Variants in SLC12A1 observed in about 807,000 individuals in gnomAD.
SLC12A1 encodes solute carrier family 12 member 1, also known as Na-K-2Cl cotransporter.
In SLC12A1, 89 loss-of-function variants were observed where a neutral mutation model predicts 130.4. The observed-to-expected ratio is 0.68, with a 90% CI of 0.58 to 0.81. SLC12A1 has a LOEUF of 0.81. Ranked by LOEUF, SLC12A1 falls within the 40% of genes least tolerant of loss-of-function variation. SLC12A1 has a pLI of 0.00. For missense variants in SLC12A1, 1,310 were observed against 1,336.4 expected (o/e 0.98, Z 0.31); for synonymous variants, 499 against 460.0 (o/e 1.08, Z -1.09).
At chr15:48,276,023 G>C (rs2041949172) in intron 20 of SLC12A1, among the ~76,000 whole-genome samples, 1 of 152,192 alleles carries the variant, frequency 6.6e-6, no homozygotes, top group African/African-American at 2.4e-5. Flanking sequence ...GGCAGCCTCA[G>C]TAGGGATGGA....
intron 26 of SLC12A1, 120 bp downstream of exon 26, chr15:48,301,502 T>TGC (rs60810487): frequency 5.9e-5 from 26 of 439,774 alleles, no homozygotes; most frequent in East Asian, 2.1e-4. Flanking sequence ...GTGTTTTTTT[T>TGC]GGGGGGGGGA....
chr15:48,212,340 A>G (rs1373198714), intron 2 of SLC12A1, among the ~76,000 whole-genome samples: 3 of 152,184 alleles, frequency 2.0e-5, no homozygotes, highest in Non-Finnish European at 4.4e-5. Flanking sequence ...ACATACACAT[A>G]TATCTATAAA....
At chr15:48,248,367 A>G (rs144432469) in intron 13 of SLC12A1, among the ~76,000 whole-genome samples, 36 of 152,358 alleles carry the variant, frequency 2.4e-4, no homozygotes, top group African/African-American at 8.2e-4. Flanking sequence ...AGATGTTTCA[A>G]TTATGTAATT....
At chr15:48,292,418 T>C (rs1457661743) in intron 24 of SLC12A1, among the ~76,000 whole-genome samples, 1 of 147,108 alleles carries the variant, frequency 6.8e-6, no homozygotes, top group Non-Finnish European at 1.5e-5. Flanking sequence ...GGCTCCAAAA[T>C]AAAAAAAAAA....
chr15:48,240,022 TATATATCC>T (rs1328698904), intron 9 of SLC12A1, among the ~76,000 whole-genome samples: 2 of 43,552 alleles, frequency 4.6e-5, no homozygotes, highest in African/African-American at 1.4e-4. Flanking sequence ...TATATATATA[TATATATCC>T]ATATATATAT....
intron 17 of SLC12A1, among the ~76,000 whole-genome samples, chr15:48,261,171 T>C (rs552990353): frequency 3.8e-4 from 58 of 152,258 alleles, no homozygotes; most frequent in Non-Finnish European, 7.1e-4. Context: ...GTTTTTCTTC[T>C]CCAGCAATTT....
At position 48,226,542 on chromosome 15, in the gene SLC12A1, C is replaced by A; in HGVS notation, c.695C>A (p.Ala232Glu). 1 of 1,609,388 alleles carries A rather than the reference C, an allele frequency of 6.2e-7. No individual in the cohort carries two copies. The highest frequency in any genetic ancestry group is 8.5e-7 in the Non-Finnish European group (1 of 1,177,306). ...VTSITGLSTS[A>E]IATNGFVRGG... The stretch of plus-strand genomic sequence containing the variant: ...TCTATTACTGGGTTGTCAACTTCTG[C>A]GATAGCAACTAACGGGTTTGTTCGT... The change falls in exon 5 of 27, where the codon GCG becomes GAG. Residue 232 changes from alanine to glutamate, a missense_variant. By Grantham distance (107) the Ala-to-Glu change is moderately radical. Transcript: ENST00000380993.
chr15:48,297,407 T>C (rs923788908), intron 24 of SLC12A1, among the ~76,000 whole-genome samples: 2 of 152,172 alleles, frequency 1.3e-5, no homozygotes, highest in East Asian at 1.9e-4. Context: ...GAAGAAGACA[T>C]AGAGTTGTGC....
At chr15:48,289,429 A>ATATATATATAT (rs60319528) in intron 23 of SLC12A1, among the ~76,000 whole-genome samples, 9 of 119,592 alleles carry the variant, frequency 7.5e-5, no homozygotes, top group Non-Finnish European at 1.0e-4. Flanking sequence ...ATATATATAT[A>ATATATATATAT]ATGTATAACT....
intron 9 of SLC12A1, among the ~76,000 whole-genome samples, chr15:48,235,914 T>C (rs542483178): frequency 1.3e-5 from 2 of 152,214 alleles, no homozygotes; most frequent in South Asian, 4.1e-4. Flanking sequence ...CTTGCATGTA[T>C]CGCTCCTGCT....
At chr15:48,260,311 C>T (rs1317462164) in intron 17 of SLC12A1, among the ~76,000 whole-genome samples, 1 of 147,016 alleles carries the variant, frequency 6.8e-6, no homozygotes, top group Middle Eastern at 3.2e-3. Context: ...CACACTAGCC[C>T]ACCTCTACTT....
rs894798333 is a variant in SLC12A1, at chr15:48,246,787, A to ACAG, written c.1453-120_1453-119insGCA. 9 of 815,620 alleles carry ACAG rather than the reference A, an allele frequency of 1.1e-5. No homozygotes were observed. In the African/African-American group the frequency reaches 1.5e-4, roughly 14 times the overall value. The allele number at this position is 815,620 out of a possible 1,614,324, so 50.5% of individuals were successfully genotyped here. A position where few individuals can be genotyped will look rare whatever the true frequency, so the allele number is the denominator to read the frequency against. ...AGAGCGAGACTGTCTCAAACAAACAACAACAACAAGAAAAGGAATGTGAGA... is the reference window on the plus strand; with the variant it reads ...AGAGCGAGACTGTCTCAAACAAACAACAGCAACAACAAGAAAAGGAATGTGAGA... On this transcript the variant is annotated intron_variant, in intron 11 of 26. Transcript: ENST00000380993.
intron 5 of SLC12A1, chr15:48,227,847 C>G (rs1329031112): frequency 6.6e-6 from 1 of 152,604 alleles, no homozygotes; most frequent in East Asian, 1.9e-4. Flanking sequence ...CCACAACACA[C>G]TTCCACTCTC....
In SLC12A1 at chr15:48,297,130, CT is replaced by C. The variant is rs377282389; in HGVS notation, c.2961-2002del. The stretch of plus-strand genomic sequence containing the variant: ...ATTCTCTTTCAGTCTCCCTACTTTA[CT>C]TTTTTTTAATAAAATCATCTATCAA... On this transcript the variant is annotated intron_variant, in intron 24 of 26. Coordinates refer to ENST00000380993, the MANE Select transcript of SLC12A1 (RefSeq NM_000338.3). Among the ~76,000 whole-genome samples the C allele has an allele frequency of 5.1e-3, 782 of 152,072 alleles. 6 individuals carry two copies. The highest frequency in any genetic ancestry group is 0.018 in the African/African-American group (735 of 41,476).
chr15:48,289,856 G>A (rs947972513), intron 23 of SLC12A1, among the ~76,000 whole-genome samples: 1 of 152,066 alleles, frequency 6.6e-6, no homozygotes, highest in East Asian at 1.9e-4. Flanking sequence ...CCCAGGACAC[G>A]ACTACACTAC....
intron 18 of SLC12A1, 59 bp downstream of exon 18, chr15:48,267,760 A>G: frequency 1.3e-6 from 2 of 1,579,716 alleles, no homozygotes; most frequent in Non-Finnish European, 1.7e-6. Context: ...CTCCATGTTA[A>G]TAAGGCTCCC....
At chr15:48,271,109 G>A (rs1455493464) in intron 19 of SLC12A1, among the ~76,000 whole-genome samples, 1 of 151,812 alleles carries the variant, frequency 6.6e-6, no homozygotes, top group African/African-American at 2.4e-5. Flanking sequence ...CTACTTGGGA[G>A]GCTGAGGCAG....
intron 5 of SLC12A1, chr15:48,228,324 C>T (rs1426929726): frequency 6.5e-6 from 1 of 152,940 alleles, no homozygotes; most frequent in Non-Finnish European, 1.5e-5. Flanking sequence ...GTAATTGTTC[C>T]AGACCCTCCC....
At chr15:48,280,400 T>G (rs2141105183) in intron 20 of SLC12A1, among the ~76,000 whole-genome samples, 1 of 152,306 alleles carries the variant, frequency 6.6e-6, no homozygotes, top group South Asian at 2.1e-4. Flanking sequence ...ACAAAATTGA[T>G]TAGAAACCTG....
Sources: allele counts gnomAD v4.1 joint callset (sites outside exome capture counted in the v4.1 genomes callset), GRCh38; gene constraint gnomAD v4.1.1; transcripts MANE v1.5; gene names NCBI Gene and HGNC (gene_info 2026-07-23, HGNC 2026-07-21).